Variants in PKHD1 observed in about 807,000 individuals in gnomAD.
PKHD1 encodes the protein fibrocystin.
PKHD1 carries 291 observed loss-of-function variants against 412.0 expected under a neutral mutation model. The observed-to-expected ratio is 0.71, with a 90% confidence interval of 0.64 to 0.78. The LOEUF (loss-of-function observed/expected upper bound fraction) is 0.78. Among genes scored for constraint, PKHD1 ranks in the 30% least tolerant of loss-of-function variants. The probability of loss-of-function intolerance (pLI) is 0.00; values close to 1 mark genes in which losing one functional copy is unlikely to be tolerated. For missense variants in PKHD1, 4,825 were observed against 4,950.7 expected (o/e 0.97, Z 0.76); for synonymous variants, 1,777 against 1,821.5 (o/e 0.98, Z 0.62).
intron 61 of PKHD1, among the ~76,000 whole-genome samples, chr6:51,650,037 A>G (rs926379485): frequency 6.6e-6 from 1 of 152,156 alleles, no homozygotes; most frequent in African/African-American, 2.4e-5. Flanking sequence ...GAGGTCCAAA[A>G]AGGCTTAAAT....
rs369626373 is a variant in PKHD1 at position 51,649,180 on chromosome 6, G to A, written c.11215C>T (p.Arg3739Trp). The stretch of plus-strand genomic sequence containing the variant: ...ACTAGGATGGAAAGTGCATAGGGCC[G>A]AATATATATCAAGTTCCCAGTTTTA... ...SFKTGNLIYI[R>W]PYALSILVQP... The change falls in exon 62 of 67, where the codon CGG (arginine) becomes TGG (tryptophan). Residue 3739 changes from arginine (R) to tryptophan (W), a missense_variant. By Grantham distance (101) the Arg-to-Trp change is moderately radical. Transcript: ENST00000371117. 1.9e-6 allele frequency: 3 copies of A among 1,611,160 alleles called. No homozygotes were observed. Among genetic ancestry groups the A allele is most frequent in the Admixed American group, 1.7e-5 (1 of 59,986 alleles).
intron 31 of PKHD1, among the ~76,000 whole-genome samples, chr6:52,027,358 C>A (rs1361377600): frequency 6.6e-6 from 1 of 151,670 alleles, no homozygotes; most frequent in African/African-American, 2.4e-5. Context: ...ATGGTGAAAC[C>A]CCATCTCTAC....
intron 43 of PKHD1, among the ~76,000 whole-genome samples, chr6:51,896,841 C>T (rs1402651553): frequency 6.6e-6 from 1 of 151,908 alleles, no homozygotes; most frequent in Non-Finnish European, 1.5e-5. Flanking sequence ...AGCTGAAAAC[C>T]AAGGCTCGAG....
At chr6:51,731,731 C>T (rs896891019) in intron 60 of PKHD1, among the ~76,000 whole-genome samples, 2 of 152,086 alleles carry the variant, frequency 1.3e-5, no homozygotes, top group African/African-American at 2.4e-5. Context: ...TAATGTGTAT[C>T]CCTCAGAACA....
chr6:52,021,738 CCTT>C lies in PKHD1; in HGVS notation c.5380+1060_5380+1062del, dbSNP rs553502561. On this transcript the variant is annotated intron_variant, in intron 33 of 66. Coordinates refer to ENST00000371117, the MANE Select transcript of PKHD1 (RefSeq NM_138694.4). ...TTTAACAAAAATTTTTTTCTCCTCC[CCTT>C]CTTCTTCCTCTTCCCTCTTCCCCCT... Among the ~76,000 whole-genome samples the C allele has an allele frequency of 2.0e-3, 306 of 151,984 alleles. 2 individuals carry two copies. Among genetic ancestry groups the C allele is most frequent in the African/African-American group, 6.8e-3 (282 of 41,486 alleles).
chr6:52,046,090 C>T lies in PKHD1; in HGVS notation c.2506G>A (p.Val836Met). Residue 836 changes from valine (V) to methionine (M), a missense_variant, in exon 24 of 67, where the codon GTG (valine) becomes ATG (methionine). Physicochemically the swap from Val to Met is conservative, Grantham distance 21. Coordinates refer to ENST00000371117, the MANE Select transcript of PKHD1 (RefSeq NM_138694.4). ...TAGCAAGTGTATAGATCCTCCTTCACAGTGAAGTCACTGGCATTGAGGTAC... is the reference window on the plus strand; with the variant it reads ...TAGCAAGTGTATAGATCCTCCTTCATAGTGAAGTCACTGGCATTGAGGTAC... ...SRYLNASDFT[V>M]KEDLYTCYEH... The T allele has an allele frequency of 6.2e-7, 1 of 1,613,630 alleles. No individual in the cohort carries two copies. The highest frequency in any genetic ancestry group is 8.5e-7 in the Non-Finnish European group (1 of 1,179,560).
chr6:51,703,054 G>A (rs906093045), intron 60 of PKHD1, among the ~76,000 whole-genome samples: 6 of 151,964 alleles, frequency 3.9e-5, no homozygotes, highest in South Asian at 2.1e-4. Flanking sequence ...ATGATGGCAT[G>A]TAATGTGTGC....
chr6:52,028,356 G>A lies in PKHD1; in HGVS notation c.3365-5C>T, dbSNP rs764787379. On this transcript the variant is annotated splice_region_variant and splice_polypyrimidine_tract_variant and intron_variant, in intron 29 of 66. Transcript: ENST00000371117. ...CAATGACCAGGGTCTCACCGCCTGT[G>A]TTGAGAAGAATCCAATAGCCTCTGA... is the stretch of plus-strand genomic sequence containing the variant. 1.2e-6 allele frequency: 2 copies of A among 1,612,984 alleles called. No homozygotes were observed. Among genetic ancestry groups the A allele is most frequent in the Non-Finnish European group, 1.7e-6 (2 of 1,179,726 alleles).
intron 36 of PKHD1, among the ~76,000 whole-genome samples, chr6:51,936,936 C>T (rs894288263): frequency 1.3e-5 from 2 of 152,210 alleles, no homozygotes; most frequent in Non-Finnish European, 2.9e-5. Context: ...GGAAAATCTA[C>T]ATTCTGTAGA....
chr6:52,052,979 C>T (rs928889062), intron 21 of PKHD1, 97 bp downstream of exon 21: 4 of 1,108,682 alleles, frequency 3.6e-6, no homozygotes, highest in Admixed American at 3.7e-5. Flanking sequence ...GGAGGATCAC[C>T]TGTTCTCTCC....
intron 35 of PKHD1, among the ~76,000 whole-genome samples, chr6:51,982,216 C>A (rs1441015862): frequency 3.2e-5 from 1 of 31,602 alleles, no homozygotes; most frequent in East Asian, 6.9e-4. Flanking sequence ...CGGCCAGCCG[C>A]CCCATCCGGG....
At chr6:51,925,413 C>G (rs970157505) in intron 37 of PKHD1, among the ~76,000 whole-genome samples, 3 of 151,268 alleles carry the variant, frequency 2.0e-5, no homozygotes, top group African/African-American at 7.3e-5. Flanking sequence ...GTACCCACAA[C>G]TTTAGCTAAA....
intron 48 of PKHD1, among the ~76,000 whole-genome samples, chr6:51,861,583 C>A (rs1774192767): frequency 6.6e-6 from 1 of 152,196 alleles, no homozygotes; most frequent in African/African-American, 2.4e-5. Context: ...TGGGCACAGC[C>A]AACAAATTTC....
In PKHD1 at chr6:51,748,260, G is replaced by A. The variant is rs761597128; in HGVS notation, c.9356C>T (p.Ser3119Phe). ...AAGACTTGAATGCGCCACATTGTCA[G>A]ACCAAAGCAGTTCACAAGAGGAGCA... ...HKCSSCELLWSDNVAHSSLHG... is the reference protein window; with the variant it reads ...HKCSSCELLWFDNVAHSSLHG... Residue 3119 changes from serine to phenylalanine, a missense_variant, in exon 58 of 67, where the codon TCT becomes TTT. Physicochemically the swap from Ser to Phe is radical, Grantham distance 155. Transcript: ENST00000371117. The A allele has an allele frequency of 1.9e-6, 3 of 1,614,066 alleles. No homozygotes were observed. Among genetic ancestry groups the A allele is most frequent in the Non-Finnish European group, 2.5e-6 (3 of 1,179,980 alleles).
intron 18 of PKHD1, among the ~76,000 whole-genome samples, chr6:52,056,092 C>T (rs780300990): frequency 6.6e-6 from 1 of 152,172 alleles, no homozygotes; most frequent in East Asian, 1.9e-4. Context: ...ATGGCCACAG[C>T]ATGAGTGGTC....
intron 53 of PKHD1, among the ~76,000 whole-genome samples, chr6:51,782,055 G>T (rs1181923781): frequency 7.1e-6 from 1 of 141,118 alleles, no homozygotes; most frequent in East Asian, 2.1e-4. Context: ...AAATTTATAT[G>T]ATTAATTATT....
intron 60 of PKHD1, 80 bp from the exon 61 acceptor site, chr6:51,660,049 A>G (rs202065937): frequency 1.1e-6 from 1 of 892,136 alleles, no homozygotes; most frequent in Non-Finnish European, 1.8e-6. Context: ...CACTCTTGCC[A>G]TCATCTATAA....
intron 60 of PKHD1, among the ~76,000 whole-genome samples, chr6:51,671,605 T>C (rs932992970): frequency 9.2e-5 from 14 of 152,126 alleles, no homozygotes; most frequent in Admixed American, 2.6e-4. Context: ...CTGCGTTCCT[T>C]TGGAGGAGGA....
chr6:52,048,816 C>G (rs1806286787), intron 22 of PKHD1, among the ~76,000 whole-genome samples, 197 bp from the exon 23 acceptor site: 1 of 152,180 alleles, frequency 6.6e-6, no homozygotes, highest in African/African-American at 2.4e-5. Flanking sequence ...TCGTGTCTAT[C>G]ATTTCAGAGC....
Sources: gnomAD v4.1 joint callset for allele counts (sites outside exome capture counted in the v4.1 genomes callset) on GRCh38, gnomAD v4.1.1 for gene constraint, MANE v1.5 for transcripts, NCBI Gene and HGNC (gene_info 2026-07-23, HGNC 2026-07-21) for gene names.